The following SLC16A2 variants were observed in gnomAD, a reference collection of about 807,000 sequenced individuals.
The protein encoded by SLC16A2 is monocarboxylate transporter 8.
SLC16A2 carries 3 observed loss-of-function variants against 27.2 expected under a neutral mutation model. The observed-to-expected ratio is 0.11, with a 90% confidence interval of 0.05 to 0.28. The LOEUF is 0.28. Ranked by LOEUF, SLC16A2 falls within the 10% of genes least tolerant of loss-of-function variation. SLC16A2 has a pLI of 1.00. For missense variants in SLC16A2, 295 were observed against 458.5 expected (o/e 0.64, Z 3.26); for synonymous variants, 202 against 187.8 (o/e 1.08, Z -0.62).
At chrX:74,493,280 G>T (rs923455192) in intron 1 of SLC16A2, among the ~76,000 whole-genome samples, 1 of 112,324 alleles carries the variant, frequency 8.9e-6, no homozygotes, top group Non-Finnish European at 1.9e-5. Flanking sequence ...CCTGCTCGGG[G>T]TGGAGGTTGG....
intron 1 of SLC16A2, among the ~76,000 whole-genome samples, chrX:74,434,919 G>A: frequency 9.3e-6 from 1 of 107,277 alleles, no homozygotes; most frequent in East Asian, 2.9e-4. Context: ...CGCCTCCCAG[G>A]TTCAAGCGAT....
At chrX:74,470,763 C>T (rs1331659896) in intron 1 of SLC16A2, among the ~76,000 whole-genome samples, 1 of 110,393 alleles carries the variant, frequency 9.1e-6, no homozygotes, top group African/African-American at 3.3e-5. Context: ...ACAGTGAAAC[C>T]CCGTCTCTAC....
intron 1 of SLC16A2, among the ~76,000 whole-genome samples, chrX:74,462,342 T>C (rs183116692): frequency 1.8e-5 from 2 of 111,671 alleles, no homozygotes; most frequent in Admixed American, 9.5e-5. Flanking sequence ...GTTTTTGAGA[T>C]GGAGTCTCGC....
rs2147350793 is a variant in SLC16A2, at chrX:74,531,321, T to C, written c.1400-12T>C. ...AAAGCTGAGCTTGACTTGTCTCTCT[T>C]GACTGTTTCAGGCCTACTCCGCAAC... On this transcript the variant is annotated splice_polypyrimidine_tract_variant and intron_variant, in intron 5 of 5. Transcript: ENST00000587091. The C allele has an allele frequency of 8.3e-7, 1 of 1,203,491 alleles. No individual in the cohort carries two copies. Among genetic ancestry groups the C allele is most frequent in the East Asian group, 3.0e-5 (1 of 33,813 alleles).
intron 1 of SLC16A2, among the ~76,000 whole-genome samples, chrX:74,465,207 T>C (rs1929228986): frequency 8.9e-6 from 1 of 112,206 alleles, no homozygotes; most frequent in Non-Finnish European, 1.9e-5. Flanking sequence ...TACATTTCCT[T>C]AATAAAATTT....
intron 4 of SLC16A2, among the ~76,000 whole-genome samples, chrX:74,526,098 A>G (rs1930484012): frequency 8.9e-6 from 1 of 112,349 alleles, no homozygotes; most frequent in Non-Finnish European, 1.9e-5. Flanking sequence ...GGATTCTGTG[A>G]GAGCAGTGTA....
chrX:74,479,217 G>A (rs5981277), intron 1 of SLC16A2, among the ~76,000 whole-genome samples: 33,794 of 109,896 alleles, frequency 0.31, 5,003 homozygotes, highest in East Asian at 0.86. Context: ...TTTTCTTCTC[G>A]CTTCATTTCA....
At chrX:74,430,132 C>T (rs1321674247) in intron 1 of SLC16A2, among the ~76,000 whole-genome samples, 1 of 112,508 alleles carries the variant, frequency 8.9e-6, no homozygotes. Context: ...CTGTGCGAGG[C>T]ACTATACTAA....
intron 2 of SLC16A2, 29 bp downstream of exon 2, chrX:74,521,163 C>T: frequency 8.3e-7 from 1 of 1,209,879 alleles, no homozygotes; most frequent in Non-Finnish European, 1.1e-6. Context: ...GGTTATTTCC[C>T]CAAGGCTGAG....
intron 4 of SLC16A2, among the ~76,000 whole-genome samples, chrX:74,526,625 C>G (rs1302078333): frequency 1.8e-5 from 2 of 112,168 alleles, no homozygotes; most frequent in Non-Finnish European, 1.9e-5. Context: ...TCCATCCAAT[C>G]CAACCTCATT....
chrX:74,457,767 T>C (rs1010091752), intron 1 of SLC16A2, among the ~76,000 whole-genome samples: 14 of 110,581 alleles, frequency 1.3e-4, no homozygotes, highest in Non-Finnish European at 2.3e-4. Flanking sequence ...CCATTCCATC[T>C]ACTTGCCATT....
Position 74,529,425 on chromosome X carries a change from T to A in SLC16A2, c.1383T>A (p.Ala461=). The part of the protein sequence containing the change: ...LLGMMALPMI[A]GPPIAGLLRN... ...GCATGATGGCCCTGCCAATGATTGC[T>A]GGGCCCCCCATTGCAGGTGAGGCTG... The change falls in exon 5 of 6, where the codon GCT becomes GCA. Residue 461 remains alanine, a synonymous_variant. Coordinates refer to ENST00000587091, the MANE Select transcript of SLC16A2 (RefSeq NM_006517.5). 1 of 1,175,091 alleles carries A rather than the reference T, an allele frequency of 8.5e-7. No individual in the cohort carries two copies.
At chrX:74,440,397 G>A (rs914640819) in intron 1 of SLC16A2, among the ~76,000 whole-genome samples, 3 of 110,746 alleles carry the variant, frequency 2.7e-5, no homozygotes, top group Non-Finnish European at 5.7e-5. Context: ...GTGTGTATGT[G>A]TTCTGTTTTG....
chrX:74,471,700 C>T (rs1373274874), intron 1 of SLC16A2, among the ~76,000 whole-genome samples: 1 of 111,543 alleles, frequency 9.0e-6, no homozygotes, highest in Non-Finnish European at 1.9e-5. Flanking sequence ...GTGTACATTT[C>T]AGTGGCACTA....
chrX:74,507,468 T>A (rs1466663846), intron 1 of SLC16A2, among the ~76,000 whole-genome samples: 1 of 111,911 alleles, frequency 8.9e-6, no homozygotes, highest in Non-Finnish European at 1.9e-5. Flanking sequence ...GTTTGCAGAT[T>A]TCTCAAAGAA....
chrX:74,516,354 C>A (rs769053519), intron 1 of SLC16A2, among the ~76,000 whole-genome samples: 15 of 112,109 alleles, frequency 1.3e-4, no homozygotes, highest in Middle Eastern at 4.7e-3. Context: ...TGCCTGGTCC[C>A]TTTTGTGTTT....
chrX:74,497,847 T>TG (rs35062408), intron 1 of SLC16A2, among the ~76,000 whole-genome samples: 2 of 53,649 alleles, frequency 3.7e-5, no homozygotes, highest in African/African-American at 1.4e-4. Flanking sequence ...TGTATGGGGG[T>TG]GGGGGGGATG....
At chrX:74,517,866 C>T (rs908187320) in intron 1 of SLC16A2, among the ~76,000 whole-genome samples, 1 of 112,097 alleles carries the variant, frequency 8.9e-6, no homozygotes, top group African/African-American at 3.2e-5. Context: ...TGTCTTTTCT[C>T]GAATTTCCTG....
intron 1 of SLC16A2, among the ~76,000 whole-genome samples, chrX:74,484,122 C>G (rs1929674399): frequency 8.9e-6 from 1 of 111,778 alleles, no homozygotes; most frequent in African/African-American, 3.3e-5. Context: ...GAGTCAAACT[C>G]TGTAAAATAT....
Sources: gnomAD v4.1 joint callset for allele counts (sites outside exome capture counted in the v4.1 genomes callset) on GRCh38, gnomAD v4.1.1 for gene constraint, MANE v1.5 for transcripts, NCBI Gene and HGNC (gene_info 2026-07-23, HGNC 2026-07-21) for gene names.